Variants in VAV2 observed in about 807,000 individuals in gnomAD.
VAV2 encodes the protein guanine nucleotide exchange factor VAV2.
Under a neutral mutation model 132.5 loss-of-function variants are expected in VAV2, and 67 were observed. The observed-to-expected ratio is 0.51, with a 90% confidence interval of 0.42 to 0.62. The LOEUF (loss-of-function observed/expected upper bound fraction) is 0.62. Among genes scored for constraint, VAV2 ranks in the 20% least tolerant of loss-of-function variants. VAV2 has a pLI of 0.00. For missense variants in VAV2, 938 were observed against 1,153.6 expected (o/e 0.81, Z 2.71); for synonymous variants, 492 against 443.5 (o/e 1.11, Z -1.37).
intron 2 of VAV2, among the ~76,000 whole-genome samples, chr9:133,920,975 C>T (rs1411267292): frequency 6.6e-6 from 1 of 152,212 alleles, no homozygotes; most frequent in Non-Finnish European, 1.5e-5. Context: ...GGATCAGAAA[C>T]TCTAATTGGG....
At chr9:133,789,457 G>A in intron 13 of VAV2, 114 bp from the exon 14 acceptor site, 2 of 978,920 alleles carry the variant, frequency 2.0e-6, no homozygotes, top group African/African-American at 1.6e-5. Context: ...GGCAGCAGAG[G>A]CGGGACGAAG....
chr9:133,915,772 GCA>G (rs1261332944), intron 2 of VAV2, among the ~76,000 whole-genome samples: 7 of 141,732 alleles, frequency 4.9e-5, no homozygotes, highest in East Asian at 4.1e-4. Flanking sequence ...TACACACAAT[GCA>G]CACACGCACA....
Position 133,857,644 on chromosome 9 carries a change from G to T in VAV2, c.380+3730C>A, listed in dbSNP as rs539472081. Among the ~76,000 whole-genome samples, 1 of 152,292 alleles carries T rather than the reference G, an allele frequency of 6.6e-6. No individual in the cohort carries two copies. The highest frequency in any genetic ancestry group is 2.4e-5 in the African/African-American group (1 of 41,548). The stretch of plus-strand genomic sequence containing the variant: ...TGAAATAGTGTCTTGTGAAGTGCTG[G>T]TGGCTGCCCCCAGAAGGTTCAATTC... On this transcript the variant is annotated intron_variant, in intron 3 of 29. Transcript: ENST00000371850. The surrounding 1 kb of genome is among the most constrained non-coding windows in gnomAD (Gnocchi z 4.0).
chr9:133,872,545 AC>A (rs1465632880), intron 2 of VAV2, among the ~76,000 whole-genome samples: 1 of 152,234 alleles, frequency 6.6e-6, no homozygotes, highest in East Asian at 1.9e-4. Context: ...AGTTCCCGAC[AC>A]CTCCAGAGGA....
chr9:133,898,165 A>G (rs1385844516), intron 2 of VAV2, among the ~76,000 whole-genome samples: 2 of 152,166 alleles, frequency 1.3e-5, no homozygotes, highest in African/African-American at 2.4e-5. Context: ...CGGGCTGCAA[A>G]GCACAGAGAA....
chr9:133,799,293 C>T (rs1322608703), intron 9 of VAV2, among the ~76,000 whole-genome samples: 1 of 152,256 alleles, frequency 6.6e-6, no homozygotes, highest in Non-Finnish European at 1.5e-5. Context: ...GCTGTCCTCA[C>T]CACGGCCAGG....
chr9:133,817,951 G>A (rs1283844862), intron 4 of VAV2, among the ~76,000 whole-genome samples: 2 of 152,186 alleles, frequency 1.3e-5, no homozygotes, highest in Non-Finnish European at 2.9e-5. Flanking sequence ...ATTTCTAGGT[G>A]TGTCTGTGAG....
At chr9:133,973,191 A>G (rs1842396916) in intron 1 of VAV2, among the ~76,000 whole-genome samples, 1 of 152,090 alleles carries the variant, frequency 6.6e-6, no homozygotes, top group Non-Finnish European at 1.5e-5. Flanking sequence ...ACACAGTTGA[A>G]GAGACCTCAA....
At chr9:133,920,221 G>A (rs916341804) in intron 2 of VAV2, among the ~76,000 whole-genome samples, 3 of 152,228 alleles carry the variant, frequency 2.0e-5, no homozygotes, top group African/African-American at 7.2e-5. Context: ...CTAGATGGAG[G>A]CCAAGGGCCA....
At chr9:133,812,074 G>A (rs1287118489) in intron 5 of VAV2, 40 bp downstream of exon 5, 2 of 1,587,384 alleles carry the variant, frequency 1.3e-6, no homozygotes, top group Non-Finnish European at 1.7e-6. Context: ...CTCTGCGAGG[G>A]AAGGGAGGGG....
At chr9:133,897,798 G>A (rs528637168) in intron 2 of VAV2, among the ~76,000 whole-genome samples, 14 of 152,198 alleles carry the variant, frequency 9.2e-5, no homozygotes, top group African/African-American at 2.7e-4. Flanking sequence ...TTTAATTAAC[G>A]CTGGAGGCAA....
At chr9:133,890,217 C>A (rs1383567278) in intron 2 of VAV2, among the ~76,000 whole-genome samples, 5 of 152,170 alleles carry the variant, frequency 3.3e-5, no homozygotes, top group Non-Finnish European at 7.4e-5. Flanking sequence ...AACCAGGGAG[C>A]CCAGGCCGGG....
rs1345461512 is a variant in VAV2 at position 133,824,593 on chromosome 9, G to A, written c.449+9679C>T. 1.3e-5 allele frequency among the ~76,000 whole-genome samples: 2 copies of A among 152,154 alleles called. No homozygotes were observed. The highest frequency in any genetic ancestry group is 2.9e-5 in the Non-Finnish European group (2 of 68,012). ...GGAAGGCTTCCTGCCCTCCTGGCTT[G>A]TCAGGGTCTGCCCCCAGAGGCTGCT... On this transcript the variant is annotated intron_variant, in intron 4 of 29. Coordinates refer to ENST00000371850, the MANE Select transcript of VAV2 (RefSeq NM_001134398.2). The surrounding 1 kb of genome is among the most constrained non-coding windows in gnomAD (Gnocchi z 5.2).
At chr9:133,831,597 C>A (rs1244113600) in intron 4 of VAV2, among the ~76,000 whole-genome samples, 1 of 152,130 alleles carries the variant, frequency 6.6e-6, no homozygotes, top group African/African-American at 2.4e-5. Context: ...GGCTGAACAC[C>A]CAGGAGGCTC....
intron 1 of VAV2, among the ~76,000 whole-genome samples, chr9:133,955,390 GCTCCTCCCCACTCCCCACA>G (rs369024369): frequency 7.4e-6 from 1 of 135,834 alleles, no homozygotes; most frequent in Non-Finnish European, 1.6e-5. Context: ...CCCCGCCCAC[GCTCCTCCCCACTCCCCACA>G]CTCCTCCCCA....
At chr9:133,844,657 G>A (rs530063557) in intron 3 of VAV2, among the ~76,000 whole-genome samples, 6 of 152,308 alleles carry the variant, frequency 3.9e-5, no homozygotes, top group African/African-American at 1.4e-4. Flanking sequence ...TTCCAAACTG[G>A]GCACTGATGG....
At chr9:133,842,798 T>C (rs990421266) in intron 3 of VAV2, among the ~76,000 whole-genome samples, 1 of 152,092 alleles carries the variant, frequency 6.6e-6, no homozygotes, top group African/African-American at 2.4e-5. Flanking sequence ...GGAGGGGCCA[T>C]GGGACCCCAC....
At chr9:133,913,324 A>G (rs1839947480) in intron 2 of VAV2, among the ~76,000 whole-genome samples, 2 of 152,206 alleles carry the variant, frequency 1.3e-5, no homozygotes, top group Non-Finnish European at 2.9e-5. Flanking sequence ...AAGGTAAGAC[A>G]GGAAGGTGGG....
At chr9:133,807,111 T>C in intron 8 of VAV2, 147 bp downstream of exon 8, 3 of 865,112 alleles carry the variant, frequency 3.5e-6, no homozygotes, top group Non-Finnish European at 3.4e-6. Flanking sequence ...GAGAGAGCGG[T>C]GGGGGCTCCT....
Sources: gnomAD v4.1 joint callset for allele counts (sites outside exome capture counted in the v4.1 genomes callset) on GRCh38, gnomAD v4.1.1 for gene constraint, Gnocchi (gnomAD v3.1) non-coding constraint, MANE v1.5 for transcripts, NCBI Gene and HGNC (gene_info 2026-07-23, HGNC 2026-07-21) for gene names.